RARB: variants seen among roughly 807,000 people sequenced by gnomAD.
RARB encodes the protein HBV-activated protein.
Under a neutral mutation model 51.9 loss-of-function variants are expected in RARB, and 17 were observed. The ratio of observed to expected loss-of-function variants is 0.33; its 90% CI spans 0.22 to 0.49. The LOEUF is 0.49. RARB is among the 20% of genes least tolerant of loss of function. RARB has a pLI of 0.99. For missense variants in RARB, 369 were observed against 550.8 expected, an observed-to-expected ratio of 0.67 and a Z score of 3.30; for synonymous variants, 215 against 195.4, an observed-to-expected ratio of 1.10 and a Z score of -0.84.
At chr3:24,916,655 T>A (rs752004675) in intron 2 of RARB, among the ~76,000 whole-genome samples, 8 of 151,882 alleles carry the variant, frequency 5.3e-5, no homozygotes, top group Non-Finnish European at 1.0e-4. Flanking sequence ...GTGTTGCTCA[T>A]GTGAGTATAA....
chr3:24,886,292 C>G (rs893005842), intron 2 of RARB, among the ~76,000 whole-genome samples: 2 of 152,126 alleles, frequency 1.3e-5, no homozygotes, highest in Admixed American at 6.6e-5. Flanking sequence ...GGGGCTGATT[C>G]ACTCATTTCT....
rs386396163 is a variant in RARB at position 24,912,975 on chromosome 3, C to CTTTTTTTTTTTTTTTTTTTTT, written c.-380+54225_-380+54245dup. On this transcript the variant is annotated intron_variant, in intron 2 of 11. Transcript: ENST00000383772. Reference sequence around the variant, plus strand: ...GCAATACGCACACAAGGTACTGATTCTTTTTTTTTTTTTTTTTTTTTTGGA... The same window carrying CTTTTTTTTTTTTTTTTTTTTT: ...GCAATACGCACACAAGGTACTGATTCTTTTTTTTTTTTTTTTTTTTTTTTTTTTTTTTTTTTTTTTTTTGGA... 2.6e-3 allele frequency among the ~76,000 whole-genome samples: 197 copies of CTTTTTTTTTTTTTTTTTTTTT among 75,044 alleles called. 48 individuals are homozygous for CTTTTTTTTTTTTTTTTTTTTT. Among genetic ancestry groups the CTTTTTTTTTTTTTTTTTTTTT allele is most frequent in the Non-Finnish European group, 4.1e-3 (161 of 38,982 alleles). The allele number at this position is 75,044 out of a possible 152,430, so 49.2% of individuals were successfully genotyped here.
Position 25,435,201 on chromosome 3 carries a change from ATGT to A in RARB, c.157+6322_157+6324del, listed in dbSNP as rs201861919. Among the ~76,000 whole-genome samples, 154 of 152,316 alleles carry A rather than the reference ATGT, an allele frequency of 1.0e-3. No individual in the cohort carries two copies. The East Asian group carries it at 0.018, about 18-fold the overall frequency. ...ACCCATATTTAGTGGAATGTTTGCTATGTTGTTGTTGATAAATTACTATTCATC... is the reference window on the plus strand; with the variant it reads ...ACCCATATTTAGTGGAATGTTTGCTATGTTGTTGATAAATTACTATTCATC... On this transcript the variant is annotated intron_variant, in intron 1 of 7. Coordinates refer to ENST00000330688, the MANE Select transcript of RARB (RefSeq NM_000965.5).
chr3:25,161,831 C>G (rs933760212), intron 4 of RARB, among the ~76,000 whole-genome samples: 1 of 152,150 alleles, frequency 6.6e-6, no homozygotes, highest in Non-Finnish European at 1.5e-5. Flanking sequence ...GGAAGGGGCC[C>G]ATGGAATGTA....
chr3:24,980,309 G>A (rs878859298), intron 2 of RARB, among the ~76,000 whole-genome samples: 1 of 152,088 alleles, frequency 6.6e-6, no homozygotes, highest in Non-Finnish European at 1.5e-5. Context: ...GAATTTGAAT[G>A]TTGTCCTGCC....
chr3:25,352,323 C>T (rs193099748), intron 5 of RARB: 10 of 152,282 alleles, frequency 6.6e-5, no homozygotes, highest in Admixed American at 6.5e-4. Flanking sequence ...AAGTACTAAC[C>T]AGGGCCAACC....
At chr3:25,226,040 A>G (rs935843304) in intron 5 of RARB, among the ~76,000 whole-genome samples, 5 of 152,200 alleles carry the variant, frequency 3.3e-5, no homozygotes, top group Admixed American at 1.3e-4. Flanking sequence ...TATAATTGAT[A>G]AAGGCAACCG....
chr3:25,139,084 G>A (rs1038004011), intron 4 of RARB, among the ~76,000 whole-genome samples: 5 of 152,090 alleles, frequency 3.3e-5, no homozygotes, highest in African/African-American at 7.2e-5. Context: ...TAGTGTGTGT[G>A]TTCTGACTGC....
At chr3:25,274,165 T>C (rs985755791) in intron 5 of RARB, among the ~76,000 whole-genome samples, 1 of 152,236 alleles carries the variant, frequency 6.6e-6, no homozygotes, top group African/African-American at 2.4e-5. Context: ...TTCAACAATA[T>C]GTTTCATTTA....
At chr3:25,011,449 T>G (rs1697392604) in intron 2 of RARB, among the ~76,000 whole-genome samples, 2 of 152,114 alleles carry the variant, frequency 1.3e-5, no homozygotes, top group African/African-American at 4.8e-5. Context: ...TAAAGCCAAG[T>G]GTTGGCAGAT....
At chr3:25,400,981 GA>G (rs1347548474) in intron 5 of RARB, among the ~76,000 whole-genome samples, 1 of 152,118 alleles carries the variant, frequency 6.6e-6, no homozygotes, top group African/African-American at 2.4e-5. Flanking sequence ...CAACCCCTCT[GA>G]AAAAGGAAAT....
At chr3:25,568,665 G>C (rs929016006) in intron 3 of RARB, among the ~76,000 whole-genome samples, 1 of 152,176 alleles carries the variant, frequency 6.6e-6, no homozygotes, top group African/African-American at 2.4e-5. Flanking sequence ...TGTGCTCTTA[G>C]GGAGGCAACT....
chr3:25,535,657 G>A (rs368227264), intron 3 of RARB, among the ~76,000 whole-genome samples: 10 of 152,020 alleles, frequency 6.6e-5, no homozygotes, highest in South Asian at 2.1e-4. Flanking sequence ...GAGAACATGC[G>A]GTGTTTGGCT....
At chr3:25,208,227 A>G (rs1231312176) in intron 5 of RARB, among the ~76,000 whole-genome samples, 1 of 152,188 alleles carries the variant, frequency 6.6e-6, no homozygotes, top group African/African-American at 2.4e-5. Flanking sequence ...GGGACATCCA[A>G]ACTATATTAG....
chr3:24,955,450 G>C (rs1269646865), intron 2 of RARB, among the ~76,000 whole-genome samples: 2 of 152,140 alleles, frequency 1.3e-5, no homozygotes, highest in African/African-American at 4.8e-5. Flanking sequence ...GTGGTTTCCA[G>C]GTTTGAGGGT....
chr3:25,266,906 T>C (rs1703139277), intron 5 of RARB, among the ~76,000 whole-genome samples: 1 of 152,144 alleles, frequency 6.6e-6, no homozygotes, highest in Non-Finnish European at 1.5e-5. Flanking sequence ...AAATGAGAAA[T>C]ACATTTCTAT....
intron 5 of RARB, among the ~76,000 whole-genome samples, chr3:25,323,017 G>A (rs534583586): frequency 2.0e-5 from 3 of 152,290 alleles, no homozygotes; most frequent in East Asian, 1.9e-4. Context: ...GCACATTACT[G>A]GGGTCAGAGG....
At chr3:25,417,447 C>G (rs866688252) in intron 5 of RARB, among the ~76,000 whole-genome samples, 4 of 152,090 alleles carry the variant, frequency 2.6e-5, no homozygotes, top group Admixed American at 6.6e-5. Flanking sequence ...TGACTCCCCC[C>G]AAGGGACATG....
intron 5 of RARB, among the ~76,000 whole-genome samples, chr3:25,374,507 A>G (rs555440093): frequency 2.0e-5 from 3 of 152,264 alleles, no homozygotes; most frequent in African/African-American, 7.2e-5. Flanking sequence ...CATGGAGAGT[A>G]TAAGGGTGAG....
Sources: allele counts gnomAD v4.1 joint callset (sites outside exome capture counted in the v4.1 genomes callset), GRCh38; gene constraint gnomAD v4.1.1; transcripts MANE v1.5; gene names NCBI Gene and HGNC (gene_info 2026-07-23, HGNC 2026-07-21).